ROBO2: variants seen among roughly 807,000 people sequenced by gnomAD.
ROBO2 encodes roundabout homolog 2.
ROBO2 carries 53 observed loss-of-function variants against 160.8 expected under a neutral mutation model. The observed-to-expected ratio is 0.33, with a 90% CI of 0.26 to 0.41. The LOEUF (loss-of-function observed/expected upper bound fraction) is 0.41. ROBO2 is among the 10% of genes least tolerant of loss of function. ROBO2 has a pLI of 1.00. For missense variants in ROBO2, 1,577 were observed against 1,722.4 expected, an observed-to-expected ratio of 0.92 and a Z score of 1.49; for synonymous variants, 664 against 611.7, an observed-to-expected ratio of 1.09 and a Z score of -1.26.
chr3:77,104,303 A>G (rs13087747), intron 2 of ROBO2, among the ~76,000 whole-genome samples: 63,393 of 151,964 alleles, frequency 0.42, 13,753 homozygotes, highest in African/African-American at 0.5. Context: ...TTCATATGTT[A>G]GAATCATACA....
At chr3:76,842,981 C>T (rs1035102000) in intron 2 of ROBO2, among the ~76,000 whole-genome samples, 2 of 152,034 alleles carry the variant, frequency 1.3e-5, no homozygotes, top group Non-Finnish European at 2.9e-5. Flanking sequence ...ATCTGATACT[C>T]ATGCCACTAT....
chr3:76,614,050 A>G (rs1037052418), intron 2 of ROBO2, among the ~76,000 whole-genome samples: 1 of 151,990 alleles, frequency 6.6e-6, no homozygotes, highest in Admixed American at 6.6e-5. Flanking sequence ...ATTTCACCTT[A>G]TACTATGGTG....
chr3:76,920,048 T>C (rs148947135), intron 2 of ROBO2, among the ~76,000 whole-genome samples: 1 of 152,174 alleles, frequency 6.6e-6, no homozygotes, highest in African/African-American at 2.4e-5. Flanking sequence ...ATAGAGTCCC[T>C]TGTTTAAACA....
chr3:77,172,859 GC>G (rs1416274245), intron 2 of ROBO2, among the ~76,000 whole-genome samples: 1 of 152,204 alleles, frequency 6.6e-6, no homozygotes, highest in Non-Finnish European at 1.5e-5. Context: ...CAGGGCCCAG[GC>G]CCTCTGGGAT....
chr3:76,887,810 T>G (rs2074026318), intron 2 of ROBO2, among the ~76,000 whole-genome samples: 1 of 152,236 alleles, frequency 6.6e-6, no homozygotes, highest in East Asian at 1.9e-4. Flanking sequence ...TGTCTTCTTA[T>G]ATCCCCTCCC....
intron 2 of ROBO2, among the ~76,000 whole-genome samples, chr3:77,224,544 G>T (rs539791728): frequency 6.6e-6 from 1 of 151,750 alleles, no homozygotes. Context: ...TATCACAACG[G>T]GTATTAATGA....
chr3:77,432,077 T>C (rs2078830512), intron 2 of ROBO2, among the ~76,000 whole-genome samples: 1 of 152,214 alleles, frequency 6.6e-6, no homozygotes, highest in African/African-American at 2.4e-5. Context: ...GTGCATACTC[T>C]ATGCCTCTAG....
At chr3:76,809,876 T>C (rs1175425539) in intron 2 of ROBO2, among the ~76,000 whole-genome samples, 1 of 151,646 alleles carries the variant, frequency 6.6e-6, no homozygotes, top group Non-Finnish European at 1.5e-5. Context: ...GAATACAAAA[T>C]TGACACTAGA....
At chr3:77,555,720 A>G (rs1049218308) in intron 8 of ROBO2, among the ~76,000 whole-genome samples, 2 of 151,970 alleles carry the variant, frequency 1.3e-5, no homozygotes, top group African/African-American at 2.4e-5. Flanking sequence ...TCATGATCTT[A>G]TATGAATGGT....
intron 2 of ROBO2, among the ~76,000 whole-genome samples, chr3:76,893,659 A>T (rs1029484219): frequency 6.6e-6 from 1 of 152,222 alleles, no homozygotes; most frequent in South Asian, 2.1e-4. Context: ...TATAATTTCT[A>T]TGTGTTAGGA....
chr3:76,674,719 G>A (rs2092363203), intron 2 of ROBO2, among the ~76,000 whole-genome samples: 1 of 152,112 alleles, frequency 6.6e-6, no homozygotes, highest in South Asian at 2.1e-4. Flanking sequence ...CTGAATTGGT[G>A]GCACTGGGGT....
chr3:76,504,891 G>T (rs927594824), intron 2 of ROBO2, among the ~76,000 whole-genome samples: 1 of 152,042 alleles, frequency 6.6e-6, no homozygotes, highest in African/African-American at 2.4e-5. Context: ...GGCTATTGAT[G>T]ATAGTCTTCA....
rs150933444 is a variant in ROBO2 at position 76,844,368 on chromosome 3, A to G, written c.110-253646A>G. ...CATGCCAACAAATTAGAATATATAGAAAGATCTATGTATGTAGTAAGCCAC... is the reference window on the plus strand; with the variant it reads ...CATGCCAACAAATTAGAATATATAGGAAGATCTATGTATGTAGTAAGCCAC... On this transcript the variant is annotated intron_variant, in intron 2 of 26. Transcript: ENST00000487694. Among the ~76,000 whole-genome samples, 66 of 152,142 alleles carry G rather than the reference A, an allele frequency of 4.3e-4. 2 individuals carry two copies. In the East Asian group the frequency reaches 0.011, roughly 26 times the overall value.
intron 2 of ROBO2, among the ~76,000 whole-genome samples, chr3:76,889,558 A>G (rs938701382): frequency 6.6e-6 from 1 of 152,242 alleles, no homozygotes; most frequent in African/African-American, 2.4e-5. Context: ...TCCATTTCAT[A>G]GTGATAACAT....
Position 76,965,991 on chromosome 3 carries a change from T to G in ROBO2, c.110-132023T>G, listed in dbSNP as rs547899294. Among the ~76,000 whole-genome samples the G allele has an allele frequency of 5.3e-5, 8 of 150,160 alleles. No individual in the cohort carries two copies. The East Asian group carries it at 1.4e-3, about 26-fold the overall frequency. On this transcript the variant is annotated intron_variant, in intron 2 of 26. Transcript: ENST00000487694. ...AGGCTGGAGTGCAATGGCGCGATCTTGGCTCACCACAACCTCCGCCTTCTG... is the reference window on the plus strand; with the variant it reads ...AGGCTGGAGTGCAATGGCGCGATCTGGGCTCACCACAACCTCCGCCTTCTG...
At chr3:76,438,498 T>C (rs2076784161) in intron 2 of ROBO2, among the ~76,000 whole-genome samples, 1 of 151,808 alleles carries the variant, frequency 6.6e-6, no homozygotes, top group Admixed American at 6.6e-5. Flanking sequence ...ATAAAAAATA[T>C]ACTGATATTT....
At chr3:77,326,243 A>G (rs1417368809) in intron 2 of ROBO2, among the ~76,000 whole-genome samples, 1 of 152,174 alleles carries the variant, frequency 6.6e-6, no homozygotes. Context: ...GAACACTTTG[A>G]AAATGTGAGG....
chr3:77,531,851 C>T (rs1370555268), intron 6 of ROBO2, among the ~76,000 whole-genome samples: 1 of 152,020 alleles, frequency 6.6e-6, no homozygotes, highest in Non-Finnish European at 1.5e-5. Flanking sequence ...CAAGCTGTTA[C>T]CCCATGACCT....
chr3:76,364,586 AT>A (rs367624032), intron 2 of ROBO2, among the ~76,000 whole-genome samples: 94 of 152,188 alleles, frequency 6.2e-4, no homozygotes, highest in African/African-American at 2.1e-3. Context: ...ATTAAAAAAA[AT>A]ATACCTGGAC....
Sources: allele counts gnomAD v4.1 joint callset (sites outside exome capture counted in the v4.1 genomes callset), GRCh38; gene constraint gnomAD v4.1.1; transcripts MANE v1.5; gene names NCBI Gene and HGNC (gene_info 2026-07-23, HGNC 2026-07-21).